Variants in FHIP2A observed in about 807,000 individuals in gnomAD.
FHIP2A encodes the protein family with sequence similarity 160 member B1.
A neutral mutation model predicts 93.5 loss-of-function variants in FHIP2A; 46 were observed. The ratio of observed to expected loss-of-function variants is 0.49; its 90% CI spans 0.39 to 0.63. The LOEUF (loss-of-function observed/expected upper bound fraction) is 0.63. Ranked by LOEUF, FHIP2A falls within the 20% of genes least tolerant of loss-of-function variation. The pLI is 0.00. For synonymous variants in FHIP2A, 332 were observed against 326.5 expected (o/e 1.02, Z -0.18); for missense variants, 769 against 909.7 (o/e 0.85, Z 1.99).
At chr10:114,856,960 G>T (rs1212655090) in intron 14 of FHIP2A, among the ~76,000 whole-genome samples, 1 of 152,102 alleles carries the variant, frequency 6.6e-6, no homozygotes, top group Non-Finnish European at 1.5e-5. Flanking sequence ...CTTGAGCCGG[G>T]TGCAACTGTA....
chr10:114,863,611 TTC>T lies in FHIP2A; in HGVS notation c.*2073_*2074del, dbSNP rs760066897. Reference sequence around the variant, plus strand: ...CTTAAGATTTCATTTGTTTCTAAGTTTCTGTTTTTCATCCCTTCTTTTTTCTT... The same window carrying T: ...CTTAAGATTTCATTTGTTTCTAAGTTTGTTTTTCATCCCTTCTTTTTTCTT... On this transcript the variant is annotated 3_prime_UTR_variant, in exon 17 of 17. Transcript: ENST00000369248. The T allele has an allele frequency of 5.5e-6, 7 of 1,273,070 alleles. No homozygotes were observed. The South Asian group carries it at 8.0e-5, about 15-fold the overall frequency. The allele number at this position is 1,273,070 out of a possible 1,614,324, so 78.9% of individuals were successfully genotyped here.
intron 5 of FHIP2A, among the ~76,000 whole-genome samples, chr10:114,841,529 T>C (rs1311691613): frequency 1.3e-5 from 2 of 152,104 alleles, no homozygotes; most frequent in African/African-American, 4.8e-5. Context: ...TGACCTCAAG[T>C]GATCCGCCTG....
At chr10:114,878,656 G>C (rs2083901412) in intron 16 of FHIP2A, among the ~76,000 whole-genome samples, 1 of 151,972 alleles carries the variant, frequency 6.6e-6, no homozygotes, top group Admixed American at 6.6e-5. Flanking sequence ...GCAGGTGCCT[G>C]TAATCCCAGC....
At chr10:114,853,180 G>A (rs1312502965) in intron 13 of FHIP2A, among the ~76,000 whole-genome samples, 3 of 152,122 alleles carry the variant, frequency 2.0e-5, no homozygotes. Flanking sequence ...CTCAAAATAT[G>A]TAGCTTAGAG....
intron 16 of FHIP2A, among the ~76,000 whole-genome samples, chr10:114,876,399 C>T (rs2083889475): frequency 6.6e-6 from 1 of 152,226 alleles, no homozygotes; most frequent in African/African-American, 2.4e-5. Context: ...GACTCCATCA[C>T]TGCTCAGCTC....
intron 5 of FHIP2A, among the ~76,000 whole-genome samples, chr10:114,839,160 C>T (rs1385307862): frequency 6.6e-6 from 1 of 152,016 alleles, no homozygotes; most frequent in African/African-American, 2.4e-5. Context: ...GATAGTCTGA[C>T]TGTGTCACCC....
intron 16 of FHIP2A, among the ~76,000 whole-genome samples, chr10:114,890,142 C>T (rs995262406): frequency 6.6e-6 from 1 of 152,172 alleles, no homozygotes; most frequent in African/African-American, 2.4e-5. Flanking sequence ...ATTCTTGGGC[C>T]TCAGCCTCCC....
rs2083812862 is a variant in FHIP2A at position 114,863,537 on chromosome 10, A to G, written c.*1997A>G. The G allele has an allele frequency of 1.7e-6, 2 of 1,174,768 alleles. No homozygotes were observed. Among genetic ancestry groups the G allele is most frequent in the South Asian group, 1.7e-5 (1 of 59,210 alleles). 72.8% of individuals were successfully genotyped at this position (1,174,768 alleles called of 1,614,324 possible). A position where few individuals can be genotyped will look rare whatever the true frequency, so the allele number is the denominator to read the frequency against. On this transcript the variant is annotated 3_prime_UTR_variant, in exon 17 of 17. Transcript: ENST00000369248. ...GTATATGTATGCTGCTTCTGAAAAT[A>G]TAATTTTTCTAAGTTGTTGTAATGA...
At chr10:114,850,059 ACT>A (rs1198908103) in intron 13 of FHIP2A, among the ~76,000 whole-genome samples, 1 of 152,198 alleles carries the variant, frequency 6.6e-6, no homozygotes, top group Non-Finnish European at 1.5e-5. Flanking sequence ...TATTATGAAT[ACT>A]TATGCTGTGA....
At chr10:114,866,578 G>T (rs1293960294), downstream of FHIP2A, among the ~76,000 whole-genome samples, 4 of 152,068 alleles carry the variant, frequency 2.6e-5, no homozygotes, top group African/African-American at 9.7e-5. Flanking sequence ...CAAGAATTTT[G>T]TTTATTTAAC....
downstream of FHIP2A, among the ~76,000 whole-genome samples, chr10:114,868,224 G>A (rs979226802): frequency 5.9e-5 from 9 of 152,142 alleles, no homozygotes; most frequent in South Asian, 2.1e-4. Flanking sequence ...GTCCGTGGCC[G>A]GTTGGGAACT....
chr10:114,850,942 C>T (rs901751403), intron 13 of FHIP2A, among the ~76,000 whole-genome samples: 1 of 152,106 alleles, frequency 6.6e-6, no homozygotes, highest in African/African-American at 2.4e-5. Context: ...GAGACAGAGT[C>T]GCGCTCTGTC....
intron 5 of FHIP2A, among the ~76,000 whole-genome samples, chr10:114,840,180 G>C (rs1442875177): frequency 6.6e-6 from 1 of 152,136 alleles, no homozygotes; most frequent in Non-Finnish European, 1.5e-5. Flanking sequence ...CTTGAGCCCA[G>C]GAGTTCGAGA....
At chr10:114,897,039 TA>T (rs572689187) in intron 16 of FHIP2A, among the ~76,000 whole-genome samples, 7 of 152,080 alleles carry the variant, frequency 4.6e-5, no homozygotes, top group Non-Finnish European at 5.9e-5. Flanking sequence ...CTAGCCGTAA[TA>T]AAAAAAAATC....
At chr10:114,889,500 A>G (rs1017583252) in intron 16 of FHIP2A, among the ~76,000 whole-genome samples, 2 of 152,098 alleles carry the variant, frequency 1.3e-5, no homozygotes, top group African/African-American at 4.8e-5. Flanking sequence ...GCCTTGCTCT[A>G]TCAGTTATCT....
chr10:114,883,827 G>T (rs1048813546), intron 16 of FHIP2A, among the ~76,000 whole-genome samples: 1 of 152,102 alleles, frequency 6.6e-6, no homozygotes, highest in South Asian at 2.1e-4. Flanking sequence ...TGATCCACCC[G>T]CCTTGGCCTC....
rs901581069 is a variant in FHIP2A, at chr10:114,860,785, T to A, written c.1984T>A (p.Ser662Thr). ...AAACTTACAAGTAACCTCAGTGTTA[T>A]CTAGACTTTCTCTCTTCCCTCATCC... ...DVNLQVTSVL[S>T]RLSLFPHPHI... The change falls in exon 15 of 17, where the codon TCT becomes ACT. Residue 662 changes from serine to threonine, a missense_variant. Transcript: ENST00000369248. 6.2e-7 allele frequency: 1 copy of A among 1,608,224 alleles called. No individual in the cohort carries two copies. Among genetic ancestry groups the A allele is most frequent in the South Asian group, 1.1e-5 (1 of 90,938 alleles).
In FHIP2A at chr10:114,862,461, C is replaced by T. The variant is rs1287527781; in HGVS notation, c.*921C>T. 11 of 987,254 alleles carry T rather than the reference C, an allele frequency of 1.1e-5. No individual in the cohort carries two copies. The highest frequency in any genetic ancestry group is 1.1e-4 in the East Asian group (1 of 8,826). The allele number at this position is 987,254 out of a possible 1,614,324, so 61.2% of individuals were successfully genotyped here. A position where few individuals can be genotyped will look rare whatever the true frequency, so the allele number is the denominator to read the frequency against. On this transcript the variant is annotated 3_prime_UTR_variant, in exon 17 of 17. Transcript: ENST00000369248. ...TCTAGGTGGGGAACTGACTGATAACCCTTGGCAGCAATCAAAGTGCCAGTG... is the reference window on the plus strand; with the variant it reads ...TCTAGGTGGGGAACTGACTGATAACTCTTGGCAGCAATCAAAGTGCCAGTG...
chr10:114,876,610 C>T (rs1258465188), intron 16 of FHIP2A, among the ~76,000 whole-genome samples: 1 of 152,162 alleles, frequency 6.6e-6, no homozygotes, highest in Admixed American at 6.5e-5. Context: ...GTTCCTAGGC[C>T]TCTTGAACCA....
Sources: gnomAD v4.1 joint callset for allele counts (sites outside exome capture counted in the v4.1 genomes callset) on GRCh38, gnomAD v4.1.1 for gene constraint, MANE v1.5 for transcripts, NCBI Gene and HGNC (gene_info 2026-07-23, HGNC 2026-07-21) for gene names.